The following LRRC63 variants were observed in gnomAD, a reference collection of about 807,000 sequenced individuals.
LRRC63 encodes the protein leucine rich repeat containing 63.
A neutral mutation model predicts 49.5 loss-of-function variants in LRRC63; 40 were observed. The observed-to-expected ratio is 0.81, with a 90% CI of 0.63 to 1.05. The LOEUF is 1.05. Ranked by LOEUF, LRRC63 falls within the 50% of genes least tolerant of loss-of-function variation. The pLI, the probability that LRRC63 is intolerant of heterozygous loss-of-function variation, is 0.00. For synonymous variants in LRRC63, 191 were observed against 221.1 expected (o/e 0.86, Z 1.21); for missense variants, 636 against 663.1 (o/e 0.96, Z 0.45).
intron 4 of LRRC63, among the ~76,000 whole-genome samples, chr13:46,229,831 C>G (rs942215604): frequency 1.3e-5 from 2 of 152,158 alleles, no homozygotes; most frequent in African/African-American, 4.8e-5. Context: ...AATTGGCTCA[C>G]AGTTCTGCAG....
In LRRC63 at chr13:46,226,586, A is replaced by G. The variant is rs1275677738; in HGVS notation, c.86-926A>G. On this transcript the variant is annotated intron_variant, in intron 2 of 9. Transcript: ENST00000595396. Reference sequence around the variant, plus strand: ...CTTGTGGCATATATTCCTCTTCTCTATAAAAAGTCTCCCTCACTTGGTTTG... The same window carrying G: ...CTTGTGGCATATATTCCTCTTCTCTGTAAAAAGTCTCCCTCACTTGGTTTG... Among the ~76,000 whole-genome samples the G allele has an allele frequency of 6.6e-5, 10 of 152,330 alleles. No homozygotes were observed. In the East Asian group the frequency reaches 1.4e-3, roughly 21 times the overall value.
At chr13:46,234,578 A>G (rs549843546) in intron 5 of LRRC63, among the ~76,000 whole-genome samples, 148 of 152,316 alleles carry the variant, frequency 9.7e-4, no homozygotes, top group African/African-American at 3.3e-3. Flanking sequence ...TTTATTACTT[A>G]GCATAAGAGA....
chr13:46,272,587 A>G (rs2047774917), intron 9 of LRRC63, among the ~76,000 whole-genome samples: 1 of 152,212 alleles, frequency 6.6e-6, no homozygotes. Context: ...ACAGTTTCTT[A>G]GACTTTAAAA....
chr13:46,237,095 G>A (rs1177004780), intron 5 of LRRC63, among the ~76,000 whole-genome samples: 1 of 151,974 alleles, frequency 6.6e-6, no homozygotes, highest in African/African-American at 2.4e-5. Context: ...GCACACTACA[G>A]AAAATTAATT....
intron 2 of LRRC63, among the ~76,000 whole-genome samples, chr13:46,221,764 G>A (rs2046413221): frequency 6.7e-6 from 1 of 149,202 alleles, no homozygotes; most frequent in Middle Eastern, 3.5e-3. Context: ...GGGGAGTGGG[G>A]GTCTGTTGGA....
chr13:46,220,132 C>T (rs1323021195), intron 2 of LRRC63, among the ~76,000 whole-genome samples: 1 of 152,244 alleles, frequency 6.6e-6, no homozygotes, highest in African/African-American at 2.4e-5. Context: ...AGCTCAAGTG[C>T]TGTGCTGGGA....
chr13:46,269,509 C>T (rs2047725919), intron 9 of LRRC63, among the ~76,000 whole-genome samples: 1 of 146,696 alleles, frequency 6.8e-6, no homozygotes, highest in South Asian at 2.2e-4. Context: ...TATATGTCAC[C>T]ATCAGACACA....
At chr13:46,234,297 A>C in exon 5 of LRRC63, 1 of 1,550,262 alleles carries the variant, frequency 6.5e-7, no homozygotes, top group Non-Finnish European at 8.7e-7. Context: ...GCCATGACCA[A>C]CCTGGCCATA....
chr13:46,266,529 C>T (rs2047686281), intron 8 of LRRC63, among the ~76,000 whole-genome samples: 1 of 152,140 alleles, frequency 6.6e-6, no homozygotes, highest in African/African-American at 2.4e-5. Context: ...GCTATTCACT[C>T]AAAGGCACTT....
Position 46,267,937 on chromosome 13 carries a change from C to T in LRRC63, c.1550+965C>T, listed in dbSNP as rs182729439. Among the ~76,000 whole-genome samples the T allele has an allele frequency of 5.5e-4, 84 of 152,200 alleles. 1 individual carries two copies. Among genetic ancestry groups the T allele is most frequent in the African/African-American group, 1.8e-3 (76 of 41,514 alleles). On this transcript the variant is annotated intron_variant, in intron 9 of 9. Transcript: ENST00000595396. ...AAGAGGCTAAATGGTCCCAGAGCAG[C>T]GAACTAACTCTCCCAGCAGAAAAAA...
At chr13:46,236,985 T>G (rs78649221) in intron 5 of LRRC63, among the ~76,000 whole-genome samples, 2 of 152,168 alleles carry the variant, frequency 1.3e-5, no homozygotes, top group South Asian at 4.1e-4. Context: ...CCAAACTACA[T>G]TGTTGTAAAT....
intron 2 of LRRC63, among the ~76,000 whole-genome samples, chr13:46,213,954 G>C (rs2046171473): frequency 6.6e-6 from 1 of 152,124 alleles, no homozygotes; most frequent in South Asian, 2.1e-4. Flanking sequence ...GTTACCCACT[G>C]GGATACTGAT....
At chr13:46,266,758 G>A in exon 9 of LRRC63, 2 of 1,547,900 alleles carry the variant, frequency 1.3e-6, no homozygotes, top group South Asian at 2.4e-5. Context: ...GACTGTTGAT[G>A]GGAATGAACT....
chr13:46,225,502 T>TG (rs1278316933), intron 2 of LRRC63, among the ~76,000 whole-genome samples: 6 of 152,264 alleles, frequency 3.9e-5, no homozygotes, highest in African/African-American at 1.4e-4. Flanking sequence ...ATCAAACTAA[T>TG]GAGTATAAAT....
chr13:46,257,561 G>T (rs1169417063), intron 7 of LRRC63, among the ~76,000 whole-genome samples: 2 of 152,138 alleles, frequency 1.3e-5, no homozygotes, highest in African/African-American at 2.4e-5. Context: ...GGTAATAAGT[G>T]ATATGAAAAA....
chr13:46,268,170 A>C (rs1323172836), intron 9 of LRRC63, among the ~76,000 whole-genome samples: 1 of 152,212 alleles, frequency 6.6e-6, no homozygotes, highest in Non-Finnish European at 1.5e-5. Context: ...TGAGAAAGAA[A>C]TGTTAAGTAA....
chr13:46,237,280 A>G (rs984852), intron 5 of LRRC63, among the ~76,000 whole-genome samples: 9,801 of 152,194 alleles, frequency 0.064, 713 homozygotes, highest in African/African-American at 0.18. Flanking sequence ...GTGATTCTGT[A>G]TGATACTGTA....
intron 2 of LRRC63, among the ~76,000 whole-genome samples, chr13:46,213,376 T>C (rs2046151309): frequency 6.6e-6 from 1 of 152,234 alleles, no homozygotes; most frequent in Admixed American, 6.5e-5. Flanking sequence ...TTCTCAGTCA[T>C]GCGTGGATAT....
intron 9 of LRRC63, among the ~76,000 whole-genome samples, chr13:46,273,585 G>A (rs1403200085): frequency 5.1e-4 from 71 of 140,272 alleles, no homozygotes; most frequent in African/African-American, 1.7e-3. Flanking sequence ...CTGGGCAACA[G>A]AGTGAGAATC....
Sources: allele counts gnomAD v4.1 joint callset (sites outside exome capture counted in the v4.1 genomes callset), GRCh38; gene constraint gnomAD v4.1.1; transcripts MANE v1.5; gene names NCBI Gene and HGNC (gene_info 2026-07-23, HGNC 2026-07-21).